The following NECAB3 variants were observed in gnomAD, a reference collection of about 807,000 sequenced individuals.
NECAB3 encodes the protein N-terminal EF-hand calcium-binding protein 3.
Under a neutral mutation model 57.2 loss-of-function variants are expected in NECAB3, and 38 were observed. The observed-to-expected ratio is 0.66, with a 90% confidence interval of 0.51 to 0.87. The LOEUF is 0.87. Among genes scored for constraint, NECAB3 ranks in the 40% least tolerant of loss-of-function variants. The probability of loss-of-function intolerance (pLI) is 0.00; values close to 1 mark genes in which losing one functional copy is unlikely to be tolerated. For missense variants in NECAB3, 474 were observed against 527.5 expected, an observed-to-expected ratio of 0.90 and a Z score of 0.99; for synonymous variants, 223 against 222.6, an observed-to-expected ratio of 1.00 and a Z score of -0.02.
intron 2 of NECAB3, among the ~76,000 whole-genome samples, chr20:33,671,323 G>C (rs1601175892): frequency 6.6e-6 from 1 of 152,278 alleles, no homozygotes; most frequent in African/African-American, 2.4e-5. Context: ...GCAGAGGCTG[G>C]GAGTACTTAT....
chr20:33,672,268 A>G (rs2017843267), intron 2 of NECAB3, 130 bp downstream of exon 2: 3 of 1,075,900 alleles, frequency 2.8e-6, no homozygotes, highest in Admixed American at 3.6e-5. Flanking sequence ...GCCTTGATTG[A>G]TTCTCCTGTT....
intron 5 of NECAB3, chr20:33,663,790 G>A: frequency 3.5e-6 from 5 of 1,423,616 alleles, no homozygotes; most frequent in Non-Finnish European, 4.5e-6. Context: ...CCGGTCCCCG[G>A]GGAAGGCTCC....
intron 3 of NECAB3, chr20:33,670,265 G>A: frequency 5.4e-6 from 1 of 184,558 alleles, no homozygotes; most frequent in South Asian, 1.4e-4. Flanking sequence ...GTTCATGCGT[G>A]TGCACCCCTG....
At position 33,674,240 on chromosome 20, in the gene NECAB3, T is replaced by C; in HGVS notation, c.113A>G (p.His38Arg). The C allele has an allele frequency of 8.0e-7, 1 of 1,242,264 alleles. No individual in the cohort carries two copies. Among genetic ancestry groups the C allele is most frequent in the Non-Finnish European group, 1.0e-6 (1 of 993,230 alleles). 77.0% of individuals were successfully genotyped at this position (1,242,264 alleles called of 1,614,324 possible). ...QLAPDPGPAGHTLFQDVFRRA... is the reference protein window; with the variant it reads ...QLAPDPGPAGRTLFQDVFRRA... Reference sequence around the variant, plus strand: ...CCCACTCACGTCCTGGAAGAGCGTGTGTCCGGCGGGCCCCGGGTCGGGCGC... The same window carrying C: ...CCCACTCACGTCCTGGAAGAGCGTGCGTCCGGCGGGCCCCGGGTCGGGCGC... The change falls in exon 1 of 12, where the codon CAC becomes CGC. Residue 38 changes from histidine (H) to arginine (R), a missense_variant. Coordinates refer to ENST00000246190, the MANE Select transcript of NECAB3 (RefSeq NM_031232.4).
Position 33,660,126 on chromosome 20 carries a change from G to A in NECAB3, c.525-123C>T, listed in dbSNP as rs189246315. 3.6e-5 allele frequency: 55 copies of A among 1,524,958 alleles called. No homozygotes were observed. The highest frequency in any genetic ancestry group is 2.1e-4 in the African/African-American group (15 of 72,676). The allele number at this position is 1,524,958 out of a possible 1,614,324, so 94.5% of individuals were successfully genotyped here. On this transcript the variant is annotated intron_variant, in intron 6 of 11. Transcript: ENST00000246190. This position sits in a 1 kb window ranked among gnomAD's most constrained non-coding sequence, Gnocchi z 4.1. ...CCCAAAGCCAGTCTCATTTCACCCC[G>A]CCATGGCTACCCTGCCATGGCTTCC...
intron 1 of NECAB3, among the ~76,000 whole-genome samples, chr20:33,673,296 C>T (rs1259989808): frequency 6.6e-6 from 1 of 152,140 alleles, no homozygotes; most frequent in Non-Finnish European, 1.5e-5. Flanking sequence ...AGGTCCTGAA[C>T]GCCAGCCCCC....
chr20:33,662,423 G>A, intron 5 of NECAB3: 2 of 1,551,754 alleles, frequency 1.3e-6, no homozygotes, highest in Non-Finnish European at 1.7e-6. Flanking sequence ...ACATGGACAA[G>A]GCCTGGTGGA....
rs773994003 is a variant in NECAB3 at position 33,672,441 on chromosome 20, T to C, written c.130-19A>G. 1.2e-6 allele frequency: 2 copies of C among 1,614,010 alleles called. No individual in the cohort carries two copies. The highest frequency in any genetic ancestry group is 2.2e-5 in the South Asian group (2 of 91,084). Reference sequence around the variant, plus strand: ...GGAAAACCTAGAGGACAAAGGGACATAGAGAGAACTGTGAGTGCCACCTGG... The same window carrying C: ...GGAAAACCTAGAGGACAAAGGGACACAGAGAGAACTGTGAGTGCCACCTGG... On this transcript the variant is annotated intron_variant, in intron 1 of 11. Transcript: ENST00000246190.
chr20:33,660,305 G>T lies in NECAB3; in HGVS notation c.478C>A (p.Leu160Met). ...TCCAGGGTATCTGACGCCCCCTCCA[G>T]CGAGCTCTGAAGGGCTTGCAGCTGG... ...VSQLQALQSS[L>M]EGASDTLEAQ... The change falls in exon 6 of 12, where the codon CTG becomes ATG. Residue 160 changes from leucine to methionine, a missense_variant. Physicochemically the swap from Leu to Met is conservative, Grantham distance 15. Coordinates refer to ENST00000246190, the MANE Select transcript of NECAB3 (RefSeq NM_031232.4). The surrounding 1 kb of genome is among the most constrained non-coding windows in gnomAD (Gnocchi z 4.1). 1 of 1,613,362 alleles carries T rather than the reference G, an allele frequency of 6.2e-7. No individual in the cohort carries two copies. Among genetic ancestry groups the T allele is most frequent in the Non-Finnish European group, 8.5e-7 (1 of 1,180,002 alleles).
chr20:33,667,768 T>C (rs1457014433), intron 5 of NECAB3: 1 of 1,612,440 alleles, frequency 6.2e-7, no homozygotes, highest in African/African-American at 1.3e-5. Context: ...GTCCCTGGAC[T>C]TCGAGGGCGA....
intron 5 of NECAB3, among the ~76,000 whole-genome samples, chr20:33,666,135 C>G (rs1375159967): frequency 3.9e-5 from 6 of 152,094 alleles, no homozygotes; most frequent in Non-Finnish European, 7.4e-5. Context: ...CCACGTGAAT[C>G]CATCCGTGGA....
rs768872466 is a variant in NECAB3 at position 33,659,587 on chromosome 20, T to G, written c.789A>C (p.Pro263=). 6.2e-7 allele frequency: 1 copy of G among 1,600,668 alleles called. No individual in the cohort carries two copies. Among genetic ancestry groups the G allele is most frequent in the Admixed American group, 1.7e-5 (1 of 58,976 alleles). ...CAGAGTGTGGGCCGGGCCTCCAGCATGGGCCTGGCTCTGGTGGATACCAGG... is the reference window on the plus strand; with the variant it reads ...CAGAGTGTGGGCCGGGCCTCCAGCAGGGGCCTGGCTCTGGTGGATACCAGG... The part of the protein sequence containing the change: ...GPSWYPPEPG[P]CWRPGPHSVP... The change falls in exon 8 of 12, where the codon CCA becomes CCC. Residue 263 remains proline (P), a synonymous_variant. Coordinates refer to ENST00000246190, the MANE Select transcript of NECAB3 (RefSeq NM_031232.4).
At chr20:33,663,940 C>T (rs1236644910) in intron 5 of NECAB3, 11 of 1,302,964 alleles carry the variant, frequency 8.4e-6, no homozygotes, top group Non-Finnish European at 9.9e-6. Flanking sequence ...TCGGAGGCGT[C>T]TGGGCGCGGA....
Position 33,657,250 on chromosome 20 carries a change from A to T in NECAB3, c.*579T>A, listed in dbSNP as rs2017315785. ...GAGAATGGGTGGGATGAGGGCATGCAAACGATATGCAAATGACATGCAAAC... is the reference window on the plus strand; with the variant it reads ...GAGAATGGGTGGGATGAGGGCATGCTAACGATATGCAAATGACATGCAAAC... On this transcript the variant is annotated 3_prime_UTR_variant, in exon 12 of 12. Transcript: ENST00000246190. 1 of 152,930 alleles carries T rather than the reference A, an allele frequency of 6.5e-6. No individual in the cohort carries two copies. Among genetic ancestry groups the T allele is most frequent in the Admixed American group, 6.5e-5 (1 of 15,296 alleles). The allele number at this position is 152,930 out of a possible 1,614,324, so 9.5% of individuals were successfully genotyped here. A position where few individuals can be genotyped will look rare whatever the true frequency, so the allele number is the denominator to read the frequency against.
intron 7 of NECAB3, 30 bp from the exon 8 acceptor site, chr20:33,659,762 A>AG (rs544935323): frequency 5.3e-5 from 83 of 1,558,082 alleles, no homozygotes; most frequent in East Asian, 1.2e-4. Context: ...AGGGTCAGGC[A>AG]GGGGCCTCTC....
chr20:33,667,560 GGCGGGC>G (rs1188619635), intron 5 of NECAB3: 5 of 1,551,252 alleles, frequency 3.2e-6, no homozygotes, highest in South Asian at 2.3e-5. Context: ...TGGCCGTGGA[GGCGGGC>G]GCGGGCGTGT....
intron 5 of NECAB3, chr20:33,667,942 C>T (rs774669379): frequency 6.4e-6 from 10 of 1,554,748 alleles, no homozygotes; most frequent in Non-Finnish European, 7.8e-6. Context: ...CCGGGCGCTG[C>T]AGAAGATGCC....
In NECAB3 at chr20:33,659,528, C is replaced by G. The variant is rs761644646; in HGVS notation, c.848G>C (p.Arg283Pro). The G allele has an allele frequency of 6.5e-7, 1 of 1,529,990 alleles. No individual in the cohort carries two copies. 94.8% of individuals were successfully genotyped at this position (1,529,990 alleles called of 1,614,324 possible). A position where few individuals can be genotyped will look rare whatever the true frequency, so the allele number is the denominator to read the frequency against. Residue 283 changes from arginine to proline, a missense_variant, in exon 8 of 12, where the codon CGT becomes CCT. Coordinates refer to ENST00000246190, the MANE Select transcript of NECAB3 (RefSeq NM_031232.4). Reference protein sequence around the residue: ...PSQAPRLEPLREEDLAKGPDL... With the variant: ...PSQAPRLEPLPEEDLAKGPDL... ...AGGCCCCTTGGCCAGGTCCTCTTCACGCAGGGGTTCCAGCCGGGGGGCCTG... is the reference window on the plus strand; with the variant it reads ...AGGCCCCTTGGCCAGGTCCTCTTCAGGCAGGGGTTCCAGCCGGGGGGCCTG...
At chr20:33,663,475 G>A in intron 5 of NECAB3, 1 of 1,545,694 alleles carries the variant, frequency 6.5e-7, no homozygotes, top group Non-Finnish European at 8.7e-7. Flanking sequence ...AGCGGCCCCG[G>A]GTCGTGGGCT....
Sources: gnomAD v4.1 joint callset for allele counts (sites outside exome capture counted in the v4.1 genomes callset) on GRCh38, gnomAD v4.1.1 for gene constraint, Gnocchi (gnomAD v3.1) non-coding constraint, MANE v1.5 for transcripts, NCBI Gene and HGNC (gene_info 2026-07-23, HGNC 2026-07-21) for gene names.